The following KLF17 variants were observed in gnomAD, a reference collection of about 807,000 sequenced individuals.
KLF17 encodes the protein KLF transcription factor 17, also known as Krueppel-like factor 17.
A neutral mutation model predicts 34.2 loss-of-function variants in KLF17; 31 were observed. The observed-to-expected ratio is 0.91, with a 90% CI of 0.68 to 1.22. The LOEUF is 1.22. Among genes scored for constraint, KLF17 ranks in the 50% most tolerant of loss-of-function variants. KLF17 has a pLI of 0.00. For missense variants in KLF17, 478 were observed against 505.2 expected, an observed-to-expected ratio of 0.95 and a Z score of 0.52; for synonymous variants, 179 against 186.7, an observed-to-expected ratio of 0.96 and a Z score of 0.34.
At chr1:44,058,353 C>G in the KLF17 span, among the ~76,000 whole-genome samples, 1 of 152,080 alleles carries the variant, frequency 6.6e-6, no homozygotes, top group African/African-American at 2.4e-5. Context: ...TGCAGTGGCA[C>G]GATCTCGGCT....
At chr1:44,122,883 G>C (rs1414849247) in intron 1 of KLF17, among the ~76,000 whole-genome samples, 3 of 152,144 alleles carry the variant, frequency 2.0e-5, no homozygotes, top group African/African-American at 7.2e-5. Flanking sequence ...ACAGGCATGA[G>C]CCACTGCACC....
the KLF17 span, among the ~76,000 whole-genome samples, chr1:44,047,076 G>A: frequency 6.7e-6 from 1 of 149,168 alleles, no homozygotes. Flanking sequence ...CTACAGACAT[G>A]TCCTTGAAAG....
At chr1:44,098,971 G>T in the KLF17 span, among the ~76,000 whole-genome samples, 180 of 150,062 alleles carry the variant, frequency 1.2e-3, 2 homozygotes, top group East Asian at 0.02. Context: ...CAAGAGATAT[G>T]CCAGTCTTGG....
chr1:44,120,470 C>A (rs1015150841), intron 1 of KLF17, among the ~76,000 whole-genome samples: 1 of 152,148 alleles, frequency 6.6e-6, no homozygotes, highest in African/African-American at 2.4e-5. Flanking sequence ...AGAGGCCAAG[C>A]ATTCTAAGAA....
the KLF17 span, chr1:44,104,863 A>T: frequency 6.4e-6 from 1 of 155,204 alleles, no homozygotes; most frequent in Non-Finnish European, 1.4e-5. Flanking sequence ...ACGAAGCAAG[A>T]TACAAATTAC....
upstream of KLF17, chr1:44,115,296 A>C (rs762710733): frequency 1.3e-5 from 2 of 152,010 alleles, no homozygotes; most frequent in Non-Finnish European, 1.5e-5. Flanking sequence ...CACACACACA[A>C]AAAAATTAGC....
At chr1:44,087,934 G>A in the KLF17 span, 5 of 199,076 alleles carry the variant, frequency 2.5e-5, no homozygotes, top group African/African-American at 9.4e-5. Context: ...AGCAGGTATG[G>A]GTAGGTGATC....
At chr1:44,127,426 T>G (rs374005651) in intron 1 of KLF17, among the ~76,000 whole-genome samples, 1 of 152,126 alleles carries the variant, frequency 6.6e-6, no homozygotes, top group Non-Finnish European at 1.5e-5. Context: ...TGGATGTAAC[T>G]TTTTTGAATT....
the KLF17 span, among the ~76,000 whole-genome samples, chr1:44,071,997 G>C: frequency 1.4e-3 from 209 of 151,876 alleles, 1 homozygote; most frequent in Non-Finnish European, 2.4e-3. Context: ...TTTTTGGGGG[G>C]GGACGGGGGG....
Position 44,130,723 on chromosome 1 carries a change from A to G in KLF17, c.1137A>G (p.Gly379=), listed in dbSNP as rs1415624486. 1 of 1,613,682 alleles carries G rather than the reference A, an allele frequency of 6.2e-7. No homozygotes were observed. Among genetic ancestry groups the G allele is most frequent in the African/African-American group, 1.3e-5 (1 of 75,022 alleles). The part of the protein sequence containing the change: ...PSDPQANNNN[G]EQDSPPAAGP Reference sequence around the variant, plus strand: ...ACCCACAGGCCAACAACAACAATGGAGAGCAGGACAGTCCTCCTGCTGCTG... The same window carrying G: ...ACCCACAGGCCAACAACAACAATGGGGAGCAGGACAGTCCTCCTGCTGCTG... The change falls in exon 3 of 4, where the codon GGA becomes GGG. Residue 379 remains glycine (G), a synonymous_variant. Coordinates refer to ENST00000372299, the MANE Select transcript of KLF17 (RefSeq NM_173484.4).
chr1:44,109,150 C>T, the KLF17 span, among the ~76,000 whole-genome samples: 6 of 152,092 alleles, frequency 3.9e-5, no homozygotes, highest in Non-Finnish European at 7.3e-5. Flanking sequence ...GGTCTCTAGG[C>T]CTGTAAATGA....
At chr1:44,048,999 T>G in the KLF17 span, among the ~76,000 whole-genome samples, 1 of 152,200 alleles carries the variant, frequency 6.6e-6, no homozygotes, top group Non-Finnish European at 1.5e-5. Context: ...TATAGCAAAA[T>G]GCCACAGACT....
At chr1:44,109,410 G>A in the KLF17 span, among the ~76,000 whole-genome samples, 5 of 152,132 alleles carry the variant, frequency 3.3e-5, no homozygotes, top group Non-Finnish European at 7.4e-5. Context: ...TAGCTCAGAA[G>A]CAATTTTATA....
the KLF17 span, among the ~76,000 whole-genome samples, chr1:44,101,341 A>G: frequency 1.3e-5 from 2 of 152,226 alleles, no homozygotes; most frequent in Admixed American, 1.3e-4. Context: ...TGTCCTAATA[A>G]CATTCATTAT....
chr1:44,104,160 A>C, the KLF17 span: 38 of 1,057,962 alleles, frequency 3.6e-5, no homozygotes, highest in Non-Finnish European at 5.6e-5. Context: ...TAACTTGTTC[A>C]TGTAAGCTTC....
At chr1:44,109,617 G>T in the KLF17 span, among the ~76,000 whole-genome samples, 3 of 152,116 alleles carry the variant, frequency 2.0e-5, no homozygotes, top group Non-Finnish European at 4.4e-5. Context: ...TTTAAGAATT[G>T]CTTTTGTTTT....
At chr1:44,098,990 G>A in the KLF17 span, among the ~76,000 whole-genome samples, 1 of 150,534 alleles carries the variant, frequency 6.6e-6, no homozygotes, top group South Asian at 2.1e-4. Flanking sequence ...GGCCTCCCAA[G>A]TTGTTGGGAT....
At chr1:44,095,518 T>C in the KLF17 span, among the ~76,000 whole-genome samples, 1 of 152,106 alleles carries the variant, frequency 6.6e-6, no homozygotes, top group East Asian at 1.9e-4. Flanking sequence ...CCCAGCCTTT[T>C]ATATCTTTTT....
chr1:44,067,063 T>G, the KLF17 span, among the ~76,000 whole-genome samples: 1 of 152,216 alleles, frequency 6.6e-6, no homozygotes, highest in African/African-American at 2.4e-5. Flanking sequence ...ACTCTTGGGA[T>G]GAGTGTTGAG....
Sources: gnomAD v4.1 joint callset for allele counts (sites outside exome capture counted in the v4.1 genomes callset) on GRCh38, gnomAD v4.1.1 for gene constraint, MANE v1.5 for transcripts, NCBI Gene and HGNC (gene_info 2026-07-23, HGNC 2026-07-21) for gene names.